The following RPS5 variants were observed in gnomAD, a reference collection of about 807,000 sequenced individuals.
RPS5 encodes the protein small ribosomal subunit protein uS7.
A neutral mutation model predicts 20.9 loss-of-function variants in RPS5; 2 were observed. The ratio of observed to expected loss-of-function variants is 0.10; its 90% CI spans 0.04 to 0.30. RPS5 has a LOEUF of 0.30. Ranked by LOEUF, RPS5 falls within the 10% of genes least tolerant of loss-of-function variation. The pLI is 1.00. For synonymous variants in RPS5, 112 were observed against 105.8 expected (o/e 1.06, Z -0.36); for missense variants, 122 against 287.2 (o/e 0.42, Z 4.16).
intron 2 of RPS5, among the ~76,000 whole-genome samples, chr19:58,391,420 G>GA (rs1400033117): frequency 7.3e-5 from 7 of 95,298 alleles, no homozygotes; most frequent in African/African-American, 2.9e-4. Flanking sequence ...CAACAAGAGC[G>GA]AAACTCCATC....
chr19:58,389,283 T>C (rs973809758), intron 2 of RPS5, among the ~76,000 whole-genome samples: 1 of 152,212 alleles, frequency 6.6e-6, no homozygotes, highest in Non-Finnish European at 1.5e-5. Flanking sequence ...ATTAAAGTTT[T>C]ATCTTTGAGA....
chr19:58,387,731 G>A lies in RPS5; in HGVS notation c.-2+392G>A, dbSNP rs2052335468. 4.7e-5 allele frequency: 11 copies of A among 236,068 alleles called. No homozygotes were observed. The South Asian group carries it at 5.4e-4, about 12-fold the overall frequency. The allele number at this position is 236,068 out of a possible 1,614,324, so 14.6% of individuals were successfully genotyped here. A position where few individuals can be genotyped will look rare whatever the true frequency, so the allele number is the denominator to read the frequency against. On this transcript the variant is annotated intron_variant, in intron 1 of 5. Transcript: ENST00000196551. ...CACGGTACCTACCGTGGTCCTTGAT[G>A]TCATATAACGGTCCCGCCTCACGGC... is the stretch of plus-strand genomic sequence containing the variant.
At chr19:58,394,459 AGTCT>A in intron 4 of RPS5, 34 bp from the exon 5 acceptor site, 1 of 1,575,822 alleles carries the variant, frequency 6.3e-7, no homozygotes, top group Non-Finnish European at 8.7e-7. Flanking sequence ...GGAGGACCGC[AGTCT>A]GTCCTTCTAG....
intron 1 of RPS5, 133 bp from the exon 2 acceptor site, chr19:58,388,004 G>C: frequency 1.6e-6 from 1 of 625,828 alleles, no homozygotes; most frequent in Non-Finnish European, 2.9e-6. Context: ...ACACGTTCAC[G>C]GCCTTTCTTG....
Position 58,393,444 on chromosome 19 carries a change from G to A in RPS5, c.404G>A (p.Arg135Lys). The A allele has an allele frequency of 6.2e-7, 1 of 1,613,266 alleles. No homozygotes were observed. Among genetic ancestry groups the A allele is most frequent in the Non-Finnish European group, 8.5e-7 (1 of 1,180,038 alleles). ...CGCATTGGGCGCGCCGGGACTGTGA[G>A]ACGACAGGCTGTGGATGTGTCCCCC... ...STRIGRAGTV[R>K]RQAVDVSPLR... Residue 135 changes from arginine (R) to lysine (K), a missense_variant, in exon 4 of 6, where the codon AGA (arginine) becomes AAA (lysine). By Grantham distance (26) the Arg-to-Lys change is conservative. Coordinates refer to ENST00000196551, the MANE Select transcript of RPS5 (RefSeq NM_001009.4).
chr19:58,388,191 G>T lies in RPS5; in HGVS notation c.54G>T (p.Lys18Asn). ...APAVAETPDIKLFGKWSTDDV... is the reference protein window; with the variant it reads ...APAVAETPDINLFGKWSTDDV... Reference sequence around the variant, plus strand: ...CGGTGGCAGAGACCCCAGACATCAAGCTCTTTGGGAAGTGGAGCACCGATG... The same window carrying T: ...CGGTGGCAGAGACCCCAGACATCAATCTCTTTGGGAAGTGGAGCACCGATG... The change falls in exon 2 of 6, where the codon AAG (lysine) becomes AAT (asparagine). Residue 18 changes from lysine to asparagine, a missense_variant. This residue lies in a region of RPS5 where 22 missense variants were observed against 38.0 expected (regional missense o/e 0.58). Transcript: ENST00000196551. The T allele has an allele frequency of 6.2e-7, 1 of 1,613,354 alleles. No individual in the cohort carries two copies. Among genetic ancestry groups the T allele is most frequent in the Non-Finnish European group, 8.5e-7 (1 of 1,179,912 alleles).
intron 2 of RPS5, among the ~76,000 whole-genome samples, chr19:58,388,812 G>A (rs1207483148): frequency 6.6e-6 from 1 of 150,690 alleles, no homozygotes; most frequent in Non-Finnish European, 1.5e-5. Context: ...TTTATTTTTA[G>A]TAGAGACAGG....
chr19:58,394,679 C>T lies in RPS5; in HGVS notation c.547-3C>T. 1 of 1,614,124 alleles carries T rather than the reference C, an allele frequency of 6.2e-7. No homozygotes were observed. Among genetic ancestry groups the T allele is most frequent in the Non-Finnish European group, 8.5e-7 (1 of 1,180,002 alleles). On this transcript the variant is annotated splice_region_variant and splice_polypyrimidine_tract_variant and intron_variant, in intron 5 of 5. Coordinates refer to ENST00000196551, the MANE Select transcript of RPS5 (RefSeq NM_001009.4). The stretch of plus-strand genomic sequence containing the variant: ...GAATTCAGAGCTGTGTGTCTCCTTG[C>T]AGGGCTCCTCGAACTCCTATGCCAT...
At chr19:58,388,306 C>T (rs906593393) in intron 2 of RPS5, 61 bp downstream of exon 2, 3 of 1,171,090 alleles carry the variant, frequency 2.6e-6, no homozygotes, top group African/African-American at 1.5e-5. Context: ...CAGGAAGGCA[C>T]ACATCAAACT....
At chr19:58,389,306 C>T (rs1354159391) in intron 2 of RPS5, among the ~76,000 whole-genome samples, 1 of 152,116 alleles carries the variant, frequency 6.6e-6, no homozygotes. Context: ...AGATCACTCT[C>T]TGTCACCCAG....
chr19:58,394,440 C>T (rs975156739), intron 4 of RPS5, 57 bp from the exon 5 acceptor site: 1 of 1,489,156 alleles, frequency 6.7e-7, no homozygotes, highest in Non-Finnish European at 9.4e-7. Context: ...GGAGTGGCCC[C>T]AGGGTGCTGG....
intron 2 of RPS5, among the ~76,000 whole-genome samples, chr19:58,390,366 C>G (rs2052354925): frequency 6.8e-6 from 1 of 146,468 alleles, no homozygotes; most frequent in Non-Finnish European, 1.5e-5. Flanking sequence ...AGCCCACAAA[C>G]ATTTTCATTA....
At chr19:58,388,717 C>A (rs982342869) in intron 2 of RPS5, 2 of 313,090 alleles carry the variant, frequency 6.4e-6, no homozygotes, top group Non-Finnish European at 1.1e-5. Context: ...ATCTGCCTAC[C>A]GGGTTCACAC....
intron 2 of RPS5, 139 bp from the exon 3 acceptor site, chr19:58,392,837 C>G: frequency 2.8e-6 from 2 of 726,006 alleles, no homozygotes; most frequent in Non-Finnish European, 4.6e-6. Context: ...ACATCCAAGT[C>G]CCCTGTTGAG....
chr19:58,388,175 A>G lies in RPS5; in HGVS notation c.38A>G (p.Glu13Gly). The G allele has an allele frequency of 1.6e-5, 26 of 1,613,174 alleles. No individual in the cohort carries two copies. The highest frequency in any genetic ancestry group is 2.2e-5 in the Non-Finnish European group (26 of 1,179,934). ...EWETAAPAVA[E>G]TPDIKLFGKW... The stretch of plus-strand genomic sequence containing the variant: ...GAGACAGCAGCACCAGCGGTGGCAG[A>G]GACCCCAGACATCAAGCTCTTTGGG... Residue 13 changes from glutamate (E) to glycine (G), a missense_variant, in exon 2 of 6, where the codon GAG becomes GGG. Transcript: ENST00000196551.
At chr19:58,394,138 G>A (rs1218728208) in intron 4 of RPS5, 2 of 235,946 alleles carry the variant, frequency 8.5e-6, no homozygotes, top group Non-Finnish European at 1.7e-5. Context: ...GTTTGTAGAG[G>A]TGGGGTTTCA....
At chr19:58,393,513 C>A in intron 4 of RPS5, 26 bp downstream of exon 4, 1 of 1,594,444 alleles carries the variant, frequency 6.3e-7, no homozygotes. Flanking sequence ...ATGCACGTGG[C>A]AGGGTGGACA....
rs1454336539 is a variant in RPS5 at position 58,394,782 on chromosome 19, G to A, written c.*32G>A. The A allele has an allele frequency of 2.5e-6, 4 of 1,609,810 alleles. No individual in the cohort carries two copies. In the African/African-American group the frequency reaches 4.0e-5, roughly 16 times the overall value. On this transcript the variant is annotated 3_prime_UTR_variant, in exon 6 of 6. Transcript: ENST00000196551. ...CAGCTGCTGCCCAATAAACCTGTCTGCCCTTTGGGGCAGTCCCAGCCACCT... is the reference window on the plus strand; with the variant it reads ...CAGCTGCTGCCCAATAAACCTGTCTACCCTTTGGGGCAGTCCCAGCCACCT...
chr19:58,394,240 G>A (rs557077620), intron 4 of RPS5: 4 of 471,970 alleles, frequency 8.5e-6, no homozygotes, highest in South Asian at 7.4e-5. Flanking sequence ...CACCGTGCCC[G>A]GCCGTCTAGC....
Sources: allele counts gnomAD v4.1 joint callset (sites outside exome capture counted in the v4.1 genomes callset), GRCh38; gene constraint gnomAD v4.1.1; regional missense constraint gnomAD v4.1.1; transcripts MANE v1.5; gene names NCBI Gene and HGNC (gene_info 2026-07-23, HGNC 2026-07-21).